EDA: variants seen among roughly 807,000 people sequenced by gnomAD.
EDA encodes the protein ectodysplasin-A.
EDA carries 2 observed loss-of-function variants against 23.6 expected under a neutral mutation model. The observed-to-expected ratio is 0.08, with a 90% CI of 0.03 to 0.27. The LOEUF (loss-of-function observed/expected upper bound fraction) is 0.27. Ranked by LOEUF, EDA falls within the 10% of genes least tolerant of loss-of-function variation. EDA has a pLI of 1.00. For missense variants in EDA, 229 were observed against 324.2 expected, an observed-to-expected ratio of 0.71 and a Z score of 2.26; for synonymous variants, 131 against 132.0, an observed-to-expected ratio of 0.99 and a Z score of 0.05.
intron 1 of EDA, among the ~76,000 whole-genome samples, chrX:69,843,367 A>G (rs2016934419): frequency 8.9e-6 from 1 of 112,152 alleles, no homozygotes; most frequent in African/African-American, 3.2e-5. Flanking sequence ...GTGTGACAAG[A>G]GCAGCTAAAA....
intron 1 of EDA, among the ~76,000 whole-genome samples, chrX:69,697,726 C>T (rs768644817): frequency 1.8e-5 from 2 of 111,557 alleles, no homozygotes; most frequent in Non-Finnish European, 3.8e-5. Flanking sequence ...TGTTTTAAAT[C>T]CTCCTAAATT....
At chrX:69,864,193 G>A (rs533514797) in intron 1 of EDA, among the ~76,000 whole-genome samples, 1 of 111,303 alleles carries the variant, frequency 9.0e-6, no homozygotes, top group South Asian at 3.8e-4. Flanking sequence ...CCCTCACAGA[G>A]TCCACTTCAC....
intron 1 of EDA, among the ~76,000 whole-genome samples, chrX:69,856,254 G>GGGGT (rs1556019860): frequency 8.0e-5 from 6 of 74,950 alleles, no homozygotes; most frequent in Non-Finnish European, 1.5e-4. Flanking sequence ...AGTATTCCAT[G>GGGGT]GTGTGTGTGT....
intron 1 of EDA, among the ~76,000 whole-genome samples, chrX:69,646,138 G>A (rs1932922410): frequency 9.0e-6 from 1 of 111,568 alleles, no homozygotes; most frequent in Admixed American, 9.6e-5. Flanking sequence ...ACTGCCATGT[G>A]ATGATGAGAA....
chrX:69,698,932 T>C (rs187011792), intron 1 of EDA, among the ~76,000 whole-genome samples: 2 of 111,358 alleles, frequency 1.8e-5, no homozygotes, highest in African/African-American at 3.3e-5. Flanking sequence ...TCTGAAGTTG[T>C]TGGGAATGCT....
intron 1 of EDA, among the ~76,000 whole-genome samples, chrX:69,740,136 T>A (rs1424813854): frequency 3.6e-5 from 4 of 111,346 alleles, no homozygotes; most frequent in Non-Finnish European, 5.7e-5. Flanking sequence ...TTCAATTATA[T>A]ACCTATTGTT....
intron 1 of EDA, among the ~76,000 whole-genome samples, chrX:69,740,151 A>T (rs746993881): frequency 2.7e-5 from 3 of 111,168 alleles, no homozygotes; most frequent in African/African-American, 9.7e-5. Context: ...ATTGTTTTGT[A>T]TAATTAAATT....
chrX:69,673,224 A>G (rs1933961948), intron 1 of EDA, among the ~76,000 whole-genome samples: 1 of 111,845 alleles, frequency 8.9e-6, no homozygotes. Context: ...AAGGAAGTGA[A>G]GAAAATTTTG....
intron 1 of EDA, among the ~76,000 whole-genome samples, chrX:69,681,042 G>T (rs1450842393): frequency 9.1e-6 from 1 of 109,651 alleles, no homozygotes; most frequent in African/African-American, 3.3e-5. Flanking sequence ...CTCAGCATTT[G>T]CTTGTGTGTA....
intron 1 of EDA, among the ~76,000 whole-genome samples, chrX:69,799,014 G>C (rs2015612443): frequency 9.0e-6 from 1 of 110,750 alleles, no homozygotes; most frequent in Non-Finnish European, 1.9e-5. Flanking sequence ...ATAGACCAAG[G>C]GAACAGAATA....
At chrX:69,641,717 C>T (rs769232832) in intron 1 of EDA, among the ~76,000 whole-genome samples, 1 of 111,546 alleles carries the variant, frequency 9.0e-6, no homozygotes, top group Non-Finnish European at 1.9e-5. Context: ...GAAGGACAGG[C>T]TGTTGCTTGG....
intron 1 of EDA, among the ~76,000 whole-genome samples, chrX:69,901,722 T>A (rs1396475262): frequency 9.0e-6 from 1 of 111,455 alleles, no homozygotes; most frequent in African/African-American, 3.3e-5. Context: ...TGAGGTTATG[T>A]GATTGCTTAA....
intron 1 of EDA, among the ~76,000 whole-genome samples, chrX:69,700,192 A>G (rs5980837): frequency 0.23 from 25,115 of 109,827 alleles, 2,198 homozygotes; most frequent in African/African-American, 0.25. Flanking sequence ...TCATTAACAT[A>G]TTGAAGGAGA....
At chrX:69,919,023 C>G (rs1352680507) in intron 1 of EDA, among the ~76,000 whole-genome samples, 1 of 110,125 alleles carries the variant, frequency 9.1e-6, no homozygotes. Context: ...CATTTATAAA[C>G]ACACAGACAC....
intron 1 of EDA, among the ~76,000 whole-genome samples, chrX:69,625,594 A>G (rs550097297): frequency 9.0e-6 from 1 of 111,285 alleles, no homozygotes; most frequent in South Asian, 3.8e-4. Context: ...ACCCTGTTCA[A>G]TAAATGATGT....
Position 69,616,129 on chromosome X carries a change from G to C in EDA, c.-180G>C. 5.8e-6 allele frequency: 2 copies of C among 345,671 alleles called. No homozygotes were observed. The highest frequency in any genetic ancestry group is 4.3e-5 in the South Asian group (1 of 23,333). 28.5% of individuals were successfully genotyped at this position (345,671 alleles called of 1,213,427 possible). ...CCTCCTCCTCCCTTTCCCACCCCTC[G>C]GAGTAGAGCTGCACATGCGGCTGCT... On this transcript the variant is annotated 5_prime_UTR_variant, in exon 1 of 8. Coordinates refer to ENST00000374552, the MANE Select transcript of EDA (RefSeq NM_001399.5).
At chrX:69,787,445 A>G (rs1393553348) in intron 1 of EDA, among the ~76,000 whole-genome samples, 1 of 105,456 alleles carries the variant, frequency 9.5e-6, no homozygotes, top group African/African-American at 3.4e-5. Context: ...GTTCCTTTCC[A>G]TGTTTAGCAC....
At chrX:69,773,831 A>G (rs1246043736) in intron 1 of EDA, among the ~76,000 whole-genome samples, 1 of 111,646 alleles carries the variant, frequency 9.0e-6, no homozygotes, top group Non-Finnish European at 1.9e-5. Context: ...CAAATATTTT[A>G]TCCCATTTCT....
intron 1 of EDA, among the ~76,000 whole-genome samples, chrX:69,862,343 G>T (rs1260689151): frequency 8.9e-6 from 1 of 112,028 alleles, no homozygotes. Context: ...CATCATTTCT[G>T]CTTTATTCTG....
Sources: allele counts gnomAD v4.1 joint callset (sites outside exome capture counted in the v4.1 genomes callset), GRCh38; gene constraint gnomAD v4.1.1; transcripts MANE v1.5; gene names NCBI Gene and HGNC (gene_info 2026-07-23, HGNC 2026-07-21).